SYT16: variants seen among roughly 807,000 people sequenced by gnomAD.
The protein encoded by SYT16 is synaptotagmin-16.
In SYT16, 42 loss-of-function variants were observed where a neutral mutation model predicts 61.4. That is an observed-to-expected ratio of 0.68 (90% confidence interval 0.53 to 0.89). The LOEUF (loss-of-function observed/expected upper bound fraction) is 0.89. Among genes scored for constraint, SYT16 ranks in the 40% least tolerant of loss-of-function variants. SYT16 has a pLI of 0.00. For synonymous variants in SYT16, 314 were observed against 302.3 expected (o/e 1.04, Z -0.40); for missense variants, 804 against 807.3 (o/e 1.00, Z 0.05).
intron 1 of SYT16, among the ~76,000 whole-genome samples, chr14:61,930,662 T>C (rs2049728093): frequency 6.6e-6 from 1 of 152,102 alleles, no homozygotes; most frequent in African/African-American, 2.4e-5. Context: ...CAATGGGTAA[T>C]TAAACTTGCT....
intron 2 of SYT16, among the ~76,000 whole-genome samples, chr14:61,974,913 A>G (rs2051719732): frequency 6.6e-6 from 1 of 152,228 alleles, no homozygotes; most frequent in African/African-American, 2.4e-5. Context: ...TGGTGCCTGC[A>G]CAAGATTACT....
chr14:61,944,369 A>G (rs2784498), intron 1 of SYT16, among the ~76,000 whole-genome samples: 23,393 of 152,186 alleles, frequency 0.15, 2,980 homozygotes, highest in African/African-American at 0.35. Context: ...TCTTCACGGA[A>G]TTAGAAAAAA....
Position 61,996,232 on chromosome 14 carries a change from A to T in SYT16, c.213A>T (p.Glu71Asp). ...QIQETYFEDE[E>D]QDNDWSQEDA... ...AGGAAACGTACTTTGAAGATGAAGA[A>T]CAAGACAATGATTGGAGTCAAGAGG... is the stretch of plus-strand genomic sequence containing the variant. Residue 71 changes from glutamate to aspartate, a missense_variant, in exon 3 of 8, where the codon GAA (glutamate) becomes GAT (aspartate). Transcript: ENST00000683842. The T allele has an allele frequency of 6.2e-7, 1 of 1,613,634 alleles. No individual in the cohort carries two copies. The highest frequency in any genetic ancestry group is 8.5e-7 in the Non-Finnish European group (1 of 1,179,640).
intron 3 of SYT16, among the ~76,000 whole-genome samples, chr14:62,050,820 C>A (rs2055244756): frequency 6.6e-6 from 1 of 152,068 alleles, no homozygotes; most frequent in African/African-American, 2.4e-5. Context: ...GCTGCCTGAT[C>A]ATTCCTCTGG....
intron 1 of SYT16, among the ~76,000 whole-genome samples, chr14:61,877,665 TC>T (rs1264477416): frequency 6.6e-6 from 1 of 152,136 alleles, no homozygotes; most frequent in African/African-American, 2.4e-5. Context: ...TTCCTGGGTG[TC>T]CTCATTTCTG....
intron 1 of SYT16, among the ~76,000 whole-genome samples, chr14:61,844,619 T>C (rs2140258975): frequency 6.6e-6 from 1 of 152,344 alleles, no homozygotes; most frequent in South Asian, 2.1e-4. Flanking sequence ...TTAAATGCTT[T>C]TTCAGCATCA....
intron 1 of SYT16, among the ~76,000 whole-genome samples, chr14:61,955,357 G>T (rs922532616): frequency 6.6e-6 from 1 of 151,792 alleles, no homozygotes; most frequent in Non-Finnish European, 1.5e-5. Flanking sequence ...CAGTATTGTC[G>T]ATCATAGGCC....
intron 1 of SYT16, among the ~76,000 whole-genome samples, chr14:61,918,583 A>G (rs998754562): frequency 6.6e-6 from 1 of 152,214 alleles, no homozygotes; most frequent in Non-Finnish European, 1.5e-5. Flanking sequence ...GGAAAGATTC[A>G]TAATATATTG....
chr14:62,046,445 C>T (rs1346366274), intron 3 of SYT16, among the ~76,000 whole-genome samples: 1 of 152,006 alleles, frequency 6.6e-6, no homozygotes. Context: ...TGTGCAGAAG[C>T]TCTTTAGTTT....
At chr14:61,968,431 A>G (rs185111617) in intron 1 of SYT16, among the ~76,000 whole-genome samples, 142 of 152,284 alleles carry the variant, frequency 9.3e-4, no homozygotes, top group African/African-American at 3.3e-3. Flanking sequence ...TGCATTCACA[A>G]GGGAGAGTGG....
chr14:61,885,375 C>T (rs916568755), intron 1 of SYT16, among the ~76,000 whole-genome samples: 1 of 142,668 alleles, frequency 7.0e-6, no homozygotes, highest in Non-Finnish European at 1.5e-5. Context: ...AAGTGCATGG[C>T]AGATATGATG....
rs542559652 is a variant in SYT16, at chr14:61,954,266, T to G, written c.-324-15866T>G. 9.2e-5 allele frequency among the ~76,000 whole-genome samples: 14 copies of G among 152,312 alleles called. No homozygotes were observed. In the South Asian group the frequency reaches 2.5e-3, roughly 27 times the overall value. ...AACTTTCAGCTTCCTTTAATCTTAT[T>G]TCTAGTTCTTGTTGTGAGTCAGATG... is the stretch of plus-strand genomic sequence containing the variant. On this transcript the variant is annotated intron_variant, in intron 1 of 7. Transcript: ENST00000683842.
In SYT16 at chr14:61,973,171, A is replaced by G. The variant is rs373902896; in HGVS notation, c.-145+2860A>G. On this transcript the variant is annotated intron_variant, in intron 2 of 7. Coordinates refer to ENST00000683842, the MANE Select transcript of SYT16 (RefSeq NM_001367656.1). ...GCAAGAGTGGATGTTTATTTTCCAA[A>G]CCTACTATGCAAAATGATTTGCTTG... Among the ~76,000 whole-genome samples, 6 of 152,272 alleles carry G rather than the reference A, an allele frequency of 3.9e-5. No individual in the cohort carries two copies. In the South Asian group the frequency reaches 6.2e-4, roughly 16 times the overall value.
chr14:62,074,624 G>A (rs2056416922), intron 4 of SYT16, among the ~76,000 whole-genome samples: 2 of 152,152 alleles, frequency 1.3e-5, no homozygotes, highest in African/African-American at 4.8e-5. Flanking sequence ...GGTTCTTATG[G>A]CAGAGACAGG....
chr14:62,044,033 G>C (rs1283385649), intron 3 of SYT16, among the ~76,000 whole-genome samples: 1 of 151,926 alleles, frequency 6.6e-6, no homozygotes, highest in Non-Finnish European at 1.5e-5. Context: ...GATTTGAATT[G>C]CACAGTTCCA....
intron 1 of SYT16, among the ~76,000 whole-genome samples, chr14:61,857,583 A>G (rs8003330): frequency 0.19 from 28,607 of 152,122 alleles, 3,430 homozygotes; most frequent in African/African-American, 0.34. Context: ...TGGAAAGAGC[A>G]TATAGACAGT....
At chr14:61,858,450 G>T (rs1166582034) in intron 1 of SYT16, among the ~76,000 whole-genome samples, 1 of 152,162 alleles carries the variant, frequency 6.6e-6, no homozygotes, top group Admixed American at 6.5e-5. Context: ...GTTTAAGACA[G>T]GGCCTGGGAA....
chr14:61,987,112 C>G (rs866681579), intron 2 of SYT16, among the ~76,000 whole-genome samples: 1 of 151,902 alleles, frequency 6.6e-6, no homozygotes, highest in Non-Finnish European at 1.5e-5. Flanking sequence ...TGGATTATGG[C>G]GGGGGGAAAA....
rs117242538 is a variant in SYT16 at position 61,864,757 on chromosome 14, G to T, written c.-325+51947G>T. On this transcript the variant is annotated intron_variant, in intron 1 of 7. Transcript: ENST00000683842. ...GTCCACTCGCTACCTGGTTAATGACGCATGTGGCTGGCCGGTTGGGCCCTA... is the reference window on the plus strand; with the variant it reads ...GTCCACTCGCTACCTGGTTAATGACTCATGTGGCTGGCCGGTTGGGCCCTA... The T allele has an allele frequency of 1.8e-3, 1,721 of 960,736 alleles. 4 individuals are homozygous for T. The highest frequency in any genetic ancestry group is 2.4e-3 in the Non-Finnish European group (1,482 of 626,872). 59.5% of individuals were successfully genotyped at this position (960,736 alleles called of 1,614,324 possible). A position where few individuals can be genotyped will look rare whatever the true frequency, so the allele number is the denominator to read the frequency against.
Sources: gnomAD v4.1 joint callset for allele counts (sites outside exome capture counted in the v4.1 genomes callset) on GRCh38, gnomAD v4.1.1 for gene constraint, MANE v1.5 for transcripts, NCBI Gene and HGNC (gene_info 2026-07-23, HGNC 2026-07-21) for gene names.